The following CHST6 variants were observed in gnomAD, a reference collection of about 807,000 sequenced individuals.
The protein encoded by CHST6 is carbohydrate sulfotransferase 6, also known as N-acetylglucosamine 6-O-sulfotransferase 5.
For synonymous variants in CHST6, 309 were observed against 276.4 expected (o/e 1.12, Z -1.17); for missense variants, 698 against 586.2 (o/e 1.19, Z -1.97).
In CHST6 at chr16:75,478,514, G is replaced by C; in HGVS notation, c.*127C>G. ...AAACGTGCAGTCCTTGCCTACTTGG[G>C]GAGGGGGAGGGGTCGTACCACAAAC... On this transcript the variant is annotated 3_prime_UTR_variant, in exon 3 of 3. Coordinates refer to ENST00000332272, the MANE Select transcript of CHST6 (RefSeq NM_021615.5). 9.9e-6 allele frequency: 9 copies of C among 908,274 alleles called. No homozygotes were observed. The highest frequency in any genetic ancestry group is 1.6e-5 in the Non-Finnish European group (9 of 558,804). The allele number at this position is 908,274 out of a possible 1,614,324, so 56.3% of individuals were successfully genotyped here.
In CHST6 at chr16:75,487,656, G is replaced by A. The variant is rs144469464; in HGVS notation, c.-91-5765C>T. ...CTACTAAAAATACAAAAAATTAGCC[G>A]GGCGTGGTGGCGGGCACCTGTAGTC... On this transcript the variant is annotated intron_variant, in intron 1 of 2. Transcript: ENST00000332272. Among the ~76,000 whole-genome samples the A allele has an allele frequency of 5.6e-3, 852 of 151,710 alleles. 9 individuals carry two copies. Among genetic ancestry groups the A allele is most frequent in the African/African-American group, 0.019 (769 of 41,378 alleles).
At position 75,477,346 on chromosome 16, in the gene CHST6, A is replaced by G. The variant is rs886052311; in HGVS notation, c.*1295T>C. Reference sequence around the variant, plus strand: ...TGACTCCACAATCCAGGTTCCCCCAATCTGTGGCCACACCCAGGATGAGGA... The same window carrying G: ...TGACTCCACAATCCAGGTTCCCCCAGTCTGTGGCCACACCCAGGATGAGGA... On this transcript the variant is annotated 3_prime_UTR_variant, in exon 3 of 3. Transcript: ENST00000332272. 7 of 152,230 alleles carry G rather than the reference A, an allele frequency of 4.6e-5. No individual in the cohort carries two copies. Among genetic ancestry groups the G allele is most frequent in the Admixed American group, 3.9e-4 (6 of 15,296 alleles). The allele number at this position is 152,230 out of a possible 1,614,324, so 9.4% of individuals were successfully genotyped here. A position where few individuals can be genotyped will look rare whatever the true frequency, so the allele number is the denominator to read the frequency against.
At chr16:75,480,004 A>G (rs923042666) in intron 2 of CHST6, among the ~76,000 whole-genome samples, 160 bp from the exon 3 acceptor site, 3 of 152,186 alleles carry the variant, frequency 2.0e-5, no homozygotes, top group African/African-American at 7.2e-5. Context: ...TGGCCTTAAG[A>G]CATAACTCAG....
Position 75,477,327 on chromosome 16 carries a change from C to T in CHST6, c.*1314G>A, listed in dbSNP as rs550641469. 1.3e-5 allele frequency: 2 copies of T among 152,256 alleles called. No homozygotes were observed. Among genetic ancestry groups the T allele is most frequent in the East Asian group, 1.9e-4 (1 of 5,174 alleles). 9.4% of individuals were successfully genotyped at this position (152,256 alleles called of 1,614,324 possible). On this transcript the variant is annotated 3_prime_UTR_variant, in exon 3 of 3. Coordinates refer to ENST00000332272, the MANE Select transcript of CHST6 (RefSeq NM_021615.5). Reference sequence around the variant, plus strand: ...TTGCTTTGCAGGGAGGATGTGACTCCACAATCCAGGTTCCCCCAATCTGTG... The same window carrying T: ...TTGCTTTGCAGGGAGGATGTGACTCTACAATCCAGGTTCCCCCAATCTGTG...
At chr16:75,486,516 C>G (rs1443487933) in intron 1 of CHST6, among the ~76,000 whole-genome samples, 1 of 152,254 alleles carries the variant, frequency 6.6e-6, no homozygotes, top group East Asian at 1.9e-4. Flanking sequence ...CACACTGACC[C>G]TGCCCCCCCA....
intron 1 of CHST6, among the ~76,000 whole-genome samples, chr16:75,486,716 C>T (rs565626276): frequency 6.6e-6 from 1 of 152,314 alleles, no homozygotes; most frequent in African/African-American, 2.4e-5. Context: ...CAAGGCTTAC[C>T]CATGGACCCC....
chr16:75,489,537 G>A (rs1324918588), intron 1 of CHST6, among the ~76,000 whole-genome samples: 1 of 151,806 alleles, frequency 6.6e-6, no homozygotes, highest in Non-Finnish European at 1.5e-5. Flanking sequence ...GAAAACAGAA[G>A]TAACAAAGCT....
rs1168619782 is a variant in CHST6 at position 75,491,165 on chromosome 16, TAAA to T, written c.-92+3772_-92+3774del. On this transcript the variant is annotated intron_variant, in intron 1 of 2. Transcript: ENST00000332272. ...GGGTGACAAGAGTGAAACTCCGTCT[TAAA>T]AAAAAAAAAAAAAAAAAAAAAAATA... Among the ~76,000 whole-genome samples the T allele has an allele frequency of 4.7e-3, 124 of 26,304 alleles. 1 individual carries two copies. Among genetic ancestry groups the T allele is most frequent in the East Asian group, 0.024 (27 of 1,122 alleles). 17.3% of individuals were successfully genotyped at this position (26,304 alleles called of 152,430 possible).
intron 1 of CHST6, among the ~76,000 whole-genome samples, chr16:75,486,296 A>G (rs1161403234): frequency 6.6e-6 from 1 of 152,264 alleles, no homozygotes; most frequent in Non-Finnish European, 1.5e-5. Context: ...TCCGGTGACT[A>G]GTGTGAGGAT....
rs775009315 is a variant in CHST6 at position 75,479,208 on chromosome 16, C to T, written c.621G>A (p.Val207=). The part of the protein sequence containing the change: ...IVHLVRDPRA[V]LRSREQTAKA... ...TGGCTGTCTGCTCCCGGGAGCGCAG[C>T]ACGGCCCGCGGGTCGCGCACCAGGT... Residue 207 remains valine, a synonymous_variant, in exon 3 of 3, where the codon GTG becomes GTA. Coordinates refer to ENST00000332272, the MANE Select transcript of CHST6 (RefSeq NM_021615.5). The T allele has an allele frequency of 3.6e-5, 58 of 1,609,474 alleles. No homozygotes were observed. The highest frequency in any genetic ancestry group is 7.7e-5 in the South Asian group (7 of 91,010).
chr16:75,478,858 C>A lies in CHST6; in HGVS notation c.971G>T (p.Arg324Met). The A allele has an allele frequency of 6.2e-7, 1 of 1,613,490 alleles. No homozygotes were observed. The highest frequency in any genetic ancestry group is 8.5e-7 in the Non-Finnish European group (1 of 1,179,976). Residue 324 changes from arginine to methionine, a missense_variant, in exon 3 of 3, where the codon AGG becomes ATG. Coordinates refer to ENST00000332272, the MANE Select transcript of CHST6 (RefSeq NM_021615.5). ...ARREAFKTSS[R>M]NALNVSQAWR... Reference sequence around the variant, plus strand: ...GGCCTGGGAGACGTTGAGCGCATTCCTGGACGAAGTCTTGAAGGCTTCGCG... The same window carrying A: ...GGCCTGGGAGACGTTGAGCGCATTCATGGACGAAGTCTTGAAGGCTTCGCG...
At chr16:75,482,184 T>G (rs1415749399) in intron 1 of CHST6, among the ~76,000 whole-genome samples, 1 of 152,080 alleles carries the variant, frequency 6.6e-6, no homozygotes, top group Admixed American at 6.5e-5. Flanking sequence ...ACAGGCCACC[T>G]ACTCTTCCAA....
At chr16:75,482,666 A>T (rs1256541096) in intron 1 of CHST6, among the ~76,000 whole-genome samples, 1 of 152,116 alleles carries the variant, frequency 6.6e-6, no homozygotes, top group African/African-American at 2.4e-5. Context: ...CAATGATCTC[A>T]AGGCTGGGTG....
At position 75,487,119 on chromosome 16, in the gene CHST6, G is replaced by A. The variant is rs141839453; in HGVS notation, c.-91-5228C>T. Among the ~76,000 whole-genome samples the A allele has an allele frequency of 1.6e-3, 239 of 152,314 alleles. 2 individuals carry two copies. The highest frequency in any genetic ancestry group is 5.6e-3 in the African/African-American group (232 of 41,572). On this transcript the variant is annotated intron_variant, in intron 1 of 2. Transcript: ENST00000332272. ...ATACTCTGTGGTCCACATCCAGAGG[G>A]AGGAATTCCCCAGTAGCCCACATGG...
At chr16:75,482,619 T>A (rs2080154340) in intron 1 of CHST6, among the ~76,000 whole-genome samples, 1 of 152,096 alleles carries the variant, frequency 6.6e-6, no homozygotes, top group Admixed American at 6.6e-5. Context: ...CATTCCAAGG[T>A]CCCAAAGTGT....
At chr16:75,493,101 C>G (rs1871409172) in intron 1 of CHST6, among the ~76,000 whole-genome samples, 2 of 152,120 alleles carry the variant, frequency 1.3e-5, no homozygotes. Context: ...AGAATGGTGT[C>G]TGTCTCATTA....
Position 75,478,603 on chromosome 16 carries a change from C to G in CHST6, c.*38G>C. On this transcript the variant is annotated 3_prime_UTR_variant, in exon 3 of 3. Coordinates refer to ENST00000332272, the MANE Select transcript of CHST6 (RefSeq NM_021615.5). ...CAGCCCCCTCTGCACCATGCACTCT[C>G]CTCCCGGGCCTAGCGCCTGCTACAA... The G allele has an allele frequency of 1.2e-6, 2 of 1,605,510 alleles. No individual in the cohort carries two copies. The highest frequency in any genetic ancestry group is 8.5e-7 in the Non-Finnish European group (1 of 1,172,884).
In CHST6 at chr16:75,472,270, A is replaced by G. The variant is rs944552856; in HGVS notation, c.*6371T>C. ...TATGTGCAGATGTTGTATATCAATT[A>G]TAGCTCAATGAAGCTTCTTTTTTTT... On this transcript the variant is annotated 3_prime_UTR_variant, in exon 3 of 3. Coordinates refer to ENST00000332272, the MANE Select transcript of CHST6 (RefSeq NM_021615.5). The G allele has an allele frequency of 9.9e-5, 15 of 152,270 alleles. No individual in the cohort carries two copies. Among genetic ancestry groups the G allele is most frequent in the African/African-American group, 3.6e-4 (15 of 41,472 alleles). 9.4% of individuals were successfully genotyped at this position (152,270 alleles called of 1,614,324 possible). A position where few individuals can be genotyped will look rare whatever the true frequency, so the allele number is the denominator to read the frequency against.
At chr16:75,490,217 G>A (rs2080240697) in intron 1 of CHST6, among the ~76,000 whole-genome samples, 2 of 139,426 alleles carry the variant, frequency 1.4e-5, no homozygotes, top group Non-Finnish European at 1.5e-5. Context: ...AGTGGCTCAC[G>A]CCTGTAATCC....
Sources: allele counts gnomAD v4.1 joint callset (sites outside exome capture counted in the v4.1 genomes callset), GRCh38; gene constraint gnomAD v4.1.1; transcripts MANE v1.5; gene names NCBI Gene and HGNC (gene_info 2026-07-23, HGNC 2026-07-21).